The following DLG2 variants were observed in gnomAD, a reference collection of about 807,000 sequenced individuals.
The protein encoded by DLG2 is discs large MAGUK scaffold protein 2.
A neutral mutation model predicts 132.5 loss-of-function variants in DLG2; 45 were observed. The ratio of observed to expected loss-of-function variants is 0.34; its 90% CI spans 0.27 to 0.44. The LOEUF is 0.44. Among genes scored for constraint, DLG2 ranks in the 20% least tolerant of loss-of-function variants. DLG2 has a pLI of 1.00. For missense variants in DLG2, 1,045 were observed against 1,196.9 expected, an observed-to-expected ratio of 0.87 and a Z score of 1.87; for synonymous variants, 424 against 419.6, an observed-to-expected ratio of 1.01 and a Z score of -0.13.
At chr11:83,827,071 ACCAGAG>A (rs2053040175) in intron 17 of DLG2, among the ~76,000 whole-genome samples, 1 of 152,150 alleles carries the variant, frequency 6.6e-6, no homozygotes, top group African/African-American at 2.4e-5. Flanking sequence ...GGGACCGGGA[ACCAGAG>A]CCAGAGAGGA....
At position 84,752,340 on chromosome 11, in the gene DLG2, C is replaced by G. The variant is rs543549056; in HGVS notation, c.358-217609G>C. 2.0e-5 allele frequency among the ~76,000 whole-genome samples: 3 copies of G among 152,276 alleles called. No individual in the cohort carries two copies. The East Asian group carries it at 5.8e-4, about 29-fold the overall frequency. On this transcript the variant is annotated intron_variant, in intron 6 of 27. Coordinates refer to ENST00000376104, the MANE Select transcript of DLG2 (RefSeq NM_001142699.3). ...AGAGCTTACATTCTAATGAAAGAAA[C>G]AGCCAAACTATGAAGCTGTAACTAC...
chr11:84,702,482 C>T (rs2059317342), intron 6 of DLG2, among the ~76,000 whole-genome samples: 1 of 151,704 alleles, frequency 6.6e-6, no homozygotes, highest in Admixed American at 6.6e-5. Context: ...TTTCAGACCT[C>T]TGGACTTAAA....
intron 11 of DLG2, among the ~76,000 whole-genome samples, chr11:84,012,676 C>T (rs566903902): frequency 3.9e-5 from 6 of 152,122 alleles, no homozygotes; most frequent in South Asian, 2.1e-4. Flanking sequence ...GATTACTCCC[C>T]GTAGAGTAGC....
chr11:85,618,210 T>C (rs2081467541), intron 2 of DLG2, among the ~76,000 whole-genome samples: 1 of 152,184 alleles, frequency 6.6e-6, no homozygotes, highest in African/African-American at 2.4e-5. Flanking sequence ...TACTTGTGTC[T>C]TGACTGCCAT....
intron 6 of DLG2, among the ~76,000 whole-genome samples, chr11:84,903,246 C>A (rs2091113831): frequency 6.6e-6 from 1 of 152,178 alleles, no homozygotes; most frequent in Admixed American, 6.5e-5. Context: ...ATTATTTCTT[C>A]CCTTCTTTAC....
At chr11:84,399,886 A>G (rs1180223238) in intron 7 of DLG2, among the ~76,000 whole-genome samples, 1 of 152,234 alleles carries the variant, frequency 6.6e-6, no homozygotes, top group African/African-American at 2.4e-5. Context: ...CTGGCCCACT[A>G]CGTTTGGCTG....
At chr11:83,598,945 C>T (rs114024537) in intron 19 of DLG2, among the ~76,000 whole-genome samples, 3 of 152,164 alleles carry the variant, frequency 2.0e-5, no homozygotes, top group African/African-American at 7.2e-5. Flanking sequence ...TGCGGCCTTA[C>T]CTCCAGCTGG....
At chr11:84,226,140 T>A (rs1225197293) in intron 8 of DLG2, among the ~76,000 whole-genome samples, 1 of 152,232 alleles carries the variant, frequency 6.6e-6, no homozygotes, top group Non-Finnish European at 1.5e-5. Flanking sequence ...GTTTATTGTT[T>A]ATCTTTTATT....
chr11:85,063,399 A>G (rs569408035), intron 6 of DLG2, among the ~76,000 whole-genome samples: 1 of 151,914 alleles, frequency 6.6e-6, no homozygotes, highest in Admixed American at 6.6e-5. Context: ...CAAAAGATGT[A>G]CTTTTTTCTA....
At chr11:83,694,724 G>A (rs1010630092) in intron 18 of DLG2, among the ~76,000 whole-genome samples, 2 of 136,852 alleles carry the variant, frequency 1.5e-5, no homozygotes, top group African/African-American at 3.3e-5. Context: ...AGGGACTCGC[G>A]TCATAAATAA....
intron 21 of DLG2, among the ~76,000 whole-genome samples, chr11:83,495,629 T>C (rs979362460): frequency 2.0e-5 from 3 of 152,170 alleles, no homozygotes; most frequent in Non-Finnish European, 4.4e-5. Flanking sequence ...TACCCATTTA[T>C]TAACATAGTT....
intron 3 of DLG2, among the ~76,000 whole-genome samples, chr11:85,561,502 C>T (rs900847547): frequency 1.3e-5 from 2 of 151,402 alleles, no homozygotes; most frequent in African/African-American, 4.8e-5. Context: ...AAAGCTTAAG[C>T]AACTGTTCAT....
At chr11:84,584,324 T>C (rs1023514547) in intron 6 of DLG2, among the ~76,000 whole-genome samples, 6 of 152,208 alleles carry the variant, frequency 3.9e-5, no homozygotes, top group Middle Eastern at 3.4e-3. Context: ...TCTTTTGAAA[T>C]GTTTTGATGA....
chr11:83,824,318 A>T (rs1385504157), intron 17 of DLG2, among the ~76,000 whole-genome samples: 2 of 152,130 alleles, frequency 1.3e-5, no homozygotes. Flanking sequence ...ACTTACCGTT[A>T]GCATTTCCAT....
intron 22 of DLG2, 113 bp downstream of exon 22, chr11:83,484,016 T>A (rs1412769108): frequency 2.4e-6 from 2 of 817,970 alleles, no homozygotes; most frequent in Non-Finnish European, 4.2e-6. Flanking sequence ...CCTGCCTGCC[T>A]GCTGTGTTGT....
At chr11:85,424,121 C>T (rs181304781) in intron 3 of DLG2, among the ~76,000 whole-genome samples, 290 of 152,214 alleles carry the variant, frequency 1.9e-3, no homozygotes, top group African/African-American at 6.5e-3. Context: ...TTTTGCTTGG[C>T]TGTCTACACT....
chr11:85,177,652 C>T (rs1338039694), intron 4 of DLG2, among the ~76,000 whole-genome samples: 1 of 151,908 alleles, frequency 6.6e-6, no homozygotes, highest in African/African-American at 2.4e-5. Context: ...CCTACACATC[C>T]TACATATATA....
rs771360645 is a variant in DLG2, at chr11:83,842,523, C to CAAA, written c.1566-8756_1566-8754dup. 3.2e-3 allele frequency among the ~76,000 whole-genome samples: 227 copies of CAAA among 70,140 alleles called. 4 individuals are homozygous for CAAA. The highest frequency in any genetic ancestry group is 0.011 in the African/African-American group (178 of 16,388). The allele number at this position is 70,140 out of a possible 152,430, so 46.0% of individuals were successfully genotyped here. On this transcript the variant is annotated intron_variant, in intron 16 of 27. Coordinates refer to ENST00000376104, the MANE Select transcript of DLG2 (RefSeq NM_001142699.3). ...GCAGGAGAATCGCTTGAACCTGTCT[C>CAAA]AAAAAAAAAAAAAAAAAAAAAAAGG... is the stretch of plus-strand genomic sequence containing the variant.
At chr11:83,767,394 T>C (rs954189318) in intron 18 of DLG2, among the ~76,000 whole-genome samples, 6 of 152,208 alleles carry the variant, frequency 3.9e-5, no homozygotes, top group African/African-American at 9.7e-5. Flanking sequence ...CTTGTTCTCA[T>C]GGAGCTTATT....
Sources: allele counts gnomAD v4.1 joint callset (sites outside exome capture counted in the v4.1 genomes callset), GRCh38; gene constraint gnomAD v4.1.1; transcripts MANE v1.5; gene names NCBI Gene and HGNC (gene_info 2026-07-23, HGNC 2026-07-21).